The following PTPN4 variants were observed in gnomAD, a reference collection of about 807,000 sequenced individuals.
The protein encoded by PTPN4 is protein tyrosine phosphatase non-receptor type 4.
In PTPN4, 49 loss-of-function variants were observed where a neutral mutation model predicts 135.5. That is an observed-to-expected ratio of 0.36 (90% CI 0.29 to 0.46). The LOEUF is 0.46. PTPN4 is among the 20% of genes least tolerant of loss of function. The pLI is 1.00. For missense variants in PTPN4, 860 were observed against 1,101.0 expected (o/e 0.78, Z 3.10); for synonymous variants, 333 against 369.9 (o/e 0.90, Z 1.14).
chr2:119,830,895 C>T (rs1015094721), intron 2 of PTPN4, among the ~76,000 whole-genome samples: 27 of 152,300 alleles, frequency 1.8e-4, no homozygotes, highest in Middle Eastern at 6.8e-3. Flanking sequence ...CCTGTACAGC[C>T]TGTGGAACTG....
At chr2:119,958,600 A>G (rs750789399) in intron 22 of PTPN4, among the ~76,000 whole-genome samples, 1 of 152,142 alleles carries the variant, frequency 6.6e-6, no homozygotes, top group Non-Finnish European at 1.5e-5. Flanking sequence ...TCACCATTCG[A>G]TGTTGTCATG....
At chr2:119,929,845 A>T (rs1253781525) in intron 13 of PTPN4, among the ~76,000 whole-genome samples, 1 of 152,102 alleles carries the variant, frequency 6.6e-6, no homozygotes, top group Admixed American at 6.6e-5. Context: ...AGTGTGCTGG[A>T]ATTTTTTTTC....
At chr2:119,779,053 A>AT (rs1334514014) in intron 1 of PTPN4, among the ~76,000 whole-genome samples, 3 of 151,952 alleles carry the variant, frequency 2.0e-5, no homozygotes, top group East Asian at 1.9e-4. Flanking sequence ...CTACATTTGA[A>AT]TTTTTTTTCC....
chr2:119,841,930 G>A (rs1289267347), intron 2 of PTPN4, among the ~76,000 whole-genome samples: 5 of 152,158 alleles, frequency 3.3e-5, no homozygotes, highest in African/African-American at 1.2e-4. Context: ...GATTCAGGGT[G>A]ACACTATCTG....
intron 2 of PTPN4, among the ~76,000 whole-genome samples, chr2:119,861,046 C>CAA (rs58044995): frequency 5.5e-4 from 62 of 112,562 alleles, no homozygotes; most frequent in Admixed American, 9.1e-4. Flanking sequence ...AACTCCATCT[C>CAA]AAAAAAAAAA....
At chr2:119,844,361 C>A (rs1394239464) in intron 2 of PTPN4, among the ~76,000 whole-genome samples, 6 of 113,690 alleles carry the variant, frequency 5.3e-5, no homozygotes, top group Admixed American at 8.4e-5. Flanking sequence ...CCCCCCCCCC[C>A]ACCTCCCTCC....
intron 3 of PTPN4, 146 bp from the exon 4 acceptor site, chr2:119,877,177 T>C: frequency 1.5e-6 from 1 of 663,674 alleles, no homozygotes; most frequent in Non-Finnish European, 2.4e-6. Flanking sequence ...AAAAATATTG[T>C]CTGTAATGCA....
intron 11 of PTPN4, among the ~76,000 whole-genome samples, chr2:119,918,462 A>G (rs923749568): frequency 6.6e-6 from 1 of 152,222 alleles, no homozygotes; most frequent in Non-Finnish European, 1.5e-5. Context: ...ATAGAAATAT[A>G]TGCCAGTGAA....
chr2:119,926,794 C>G (rs1389804157), intron 13 of PTPN4, 128 bp downstream of exon 13: 6 of 667,682 alleles, frequency 9.0e-6, no homozygotes, highest in Non-Finnish European at 1.5e-5. Context: ...AGAATTATCA[C>G]AATTCTTTAA....
At chr2:119,885,428 A>G (rs995473181) in intron 8 of PTPN4, among the ~76,000 whole-genome samples, 4 of 152,312 alleles carry the variant, frequency 2.6e-5, no homozygotes, top group African/African-American at 9.6e-5. Flanking sequence ...AGAATCTGCA[A>G]GTTTCAGAGA....
intron 1 of PTPN4, among the ~76,000 whole-genome samples, chr2:119,794,430 G>A (rs1223529372): frequency 1.2e-4 from 19 of 152,162 alleles, no homozygotes; most frequent in Admixed American, 1.2e-3. Context: ...GTGTGGAGCT[G>A]GGGTCCAGCC....
At position 119,851,270 on chromosome 2, in the gene PTPN4, A is replaced by T. The variant is rs567639853; in HGVS notation, c.139-11266A>T. ...TCCTTACAGGTCTGCAGCAACCTTA[A>T]TTCTTGCCTCCTTATAAGAAAGAAT... On this transcript the variant is annotated intron_variant, in intron 2 of 26. Coordinates refer to ENST00000263708, the MANE Select transcript of PTPN4 (RefSeq NM_002830.4). Among the ~76,000 whole-genome samples the T allele has an allele frequency of 2.8e-4, 43 of 152,258 alleles. No homozygotes were observed. The South Asian group carries it at 8.9e-3, about 32-fold the overall frequency.
chr2:119,765,315 A>G (rs2104916032), intron 1 of PTPN4, among the ~76,000 whole-genome samples: 1 of 152,344 alleles, frequency 6.6e-6, no homozygotes. Flanking sequence ...CATTCAGGTG[A>G]TATACCATAA....
At chr2:119,877,437 A>G (rs772093371) in intron 4 of PTPN4, 27 bp from the exon 5 acceptor site, 1 of 1,605,384 alleles carries the variant, frequency 6.2e-7, no homozygotes, top group African/African-American at 1.3e-5. Flanking sequence ...TAGTCTGATT[A>G]ATTAGAACTA....
chr2:119,819,989 G>A (rs1339444699), intron 2 of PTPN4, among the ~76,000 whole-genome samples: 2 of 151,988 alleles, frequency 1.3e-5, no homozygotes, highest in African/African-American at 4.8e-5. Context: ...AACTTCCCAA[G>A]TAGCTGAGAC....
rs1679217998 is a variant in PTPN4 at position 119,952,027 on chromosome 2, G to C, written c.1711G>C (p.Gly571Arg). 1 of 1,613,174 alleles carries C rather than the reference G, an allele frequency of 6.2e-7. No individual in the cohort carries two copies. Reference sequence around the variant, plus strand: ...AGGGGACCAAGTTGTACTGATCAATGGTCGGGACATTGCAGAACACACTCA... The same window carrying C: ...AGGGGACCAAGTTGTACTGATCAATCGTCGGGACATTGCAGAACACACTCA... Reference protein sequence around the residue: ...NEGDQVVLINGRDIAEHTHDQ... With the variant: ...NEGDQVVLINRRDIAEHTHDQ... Residue 571 changes from glycine (G) to arginine (R), a missense_variant, in exon 19 of 27, where the codon GGT becomes CGT. By Grantham distance (125) the Gly-to-Arg change is moderately radical. Transcript: ENST00000263708.
rs570590756 is a variant in PTPN4, at chr2:119,961,502, G to A, written c.2280+549G>A. 2.5e-3 allele frequency among the ~76,000 whole-genome samples: 377 copies of A among 152,284 alleles called. 1 individual carries two copies. Among genetic ancestry groups the A allele is most frequent in the African/African-American group, 8.8e-3 (367 of 41,546 alleles). On this transcript the variant is annotated intron_variant, in intron 23 of 26. Coordinates refer to ENST00000263708, the MANE Select transcript of PTPN4 (RefSeq NM_002830.4). ...TCCAGCCATTTTGGAAAACAGTCTTGTAGTTCCTCAAAGAGTTAAACGTCG... is the reference window on the plus strand; with the variant it reads ...TCCAGCCATTTTGGAAAACAGTCTTATAGTTCCTCAAAGAGTTAAACGTCG...
At chr2:119,833,314 A>G (rs1677245820) in intron 2 of PTPN4, among the ~76,000 whole-genome samples, 1 of 151,774 alleles carries the variant, frequency 6.6e-6, no homozygotes, top group Admixed American at 6.6e-5. Context: ...TGTAAATAAC[A>G]TTTGTGTAGG....
chr2:119,876,897 ATGTGTG>A lies in PTPN4; in HGVS notation c.247-387_247-382del, dbSNP rs3835789. On this transcript the variant is annotated intron_variant, in intron 3 of 26. Coordinates refer to ENST00000263708, the MANE Select transcript of PTPN4 (RefSeq NM_002830.4). ...CTGAATGAGTATAAAGCCCAAGAGC[ATGTGTG>A]TGTGTGTGTGTGTGTGTGTGTGTGT... Among the ~76,000 whole-genome samples the A allele has an allele frequency of 4.6e-3, 629 of 136,122 alleles. 3 individuals are homozygous for A. The highest frequency in any genetic ancestry group is 1.0e-2 in the African/African-American group (368 of 36,802). The allele number at this position is 136,122 out of a possible 152,430, so 89.3% of individuals were successfully genotyped here.
Sources: allele counts gnomAD v4.1 joint callset (sites outside exome capture counted in the v4.1 genomes callset), GRCh38; gene constraint gnomAD v4.1.1; transcripts MANE v1.5; gene names NCBI Gene and HGNC (gene_info 2026-07-23, HGNC 2026-07-21).